NRXN3: variants seen among roughly 807,000 people sequenced by gnomAD.
NRXN3 encodes the protein neurexin 3.
A neutral mutation model predicts 137.6 loss-of-function variants in NRXN3; 32 were observed. That is an observed-to-expected ratio of 0.23 (90% CI 0.18 to 0.31). The LOEUF (loss-of-function observed/expected upper bound fraction) is 0.31. Among genes scored for constraint, NRXN3 ranks in the 10% least tolerant of loss-of-function variants. The pLI, the probability that NRXN3 is intolerant of heterozygous loss-of-function variation, is 1.00. For synonymous variants in NRXN3, 798 were observed against 784.5 expected, an observed-to-expected ratio of 1.02 and a Z score of -0.29; for missense variants, 1,574 against 2,062.5, an observed-to-expected ratio of 0.76 and a Z score of 4.59.
intron 4 of NRXN3, among the ~76,000 whole-genome samples, chr14:78,348,729 A>G (rs1567328575): frequency 6.6e-6 from 1 of 152,192 alleles, no homozygotes; most frequent in African/African-American, 2.4e-5. Flanking sequence ...CTGTTGAATT[A>G]GAAACTCTGG....
intron 4 of NRXN3, among the ~76,000 whole-genome samples, chr14:78,382,880 C>T (rs188188205): frequency 2.9e-4 from 44 of 152,208 alleles, no homozygotes; most frequent in Admixed American, 1.2e-3. Flanking sequence ...AAGGTCTGTA[C>T]GATCTCTCTG....
intron 15 of NRXN3, among the ~76,000 whole-genome samples, chr14:79,251,100 A>G (rs896006710): frequency 6.6e-5 from 10 of 152,188 alleles, no homozygotes; most frequent in African/African-American, 2.4e-4. Context: ...GATTTTGAAT[A>G]CTATTATGCA....
chr14:78,986,548 G>T (rs886504119), intron 14 of NRXN3, among the ~76,000 whole-genome samples: 4 of 151,752 alleles, frequency 2.6e-5, no homozygotes, highest in African/African-American at 9.7e-5. Context: ...CTTCAAAATA[G>T]GTAAATTTAC....
chr14:78,623,953 C>T (rs994996416), intron 4 of NRXN3, among the ~76,000 whole-genome samples: 1 of 152,276 alleles, frequency 6.6e-6, no homozygotes, highest in African/African-American at 2.4e-5. Flanking sequence ...AGTAGCACTA[C>T]CCCTTACCAT....
chr14:79,813,344 A>G (rs1603585570), intron 20 of NRXN3, among the ~76,000 whole-genome samples: 1 of 152,210 alleles, frequency 6.6e-6, no homozygotes, highest in East Asian at 1.9e-4. Flanking sequence ...CTGTGTATAT[A>G]TATAAATAGA....
chr14:79,471,346 A>G (rs946423842), intron 16 of NRXN3, among the ~76,000 whole-genome samples: 2 of 152,166 alleles, frequency 1.3e-5, no homozygotes, highest in African/African-American at 4.8e-5. Context: ...TCTAGCTTCC[A>G]TTAGTCATGT....
chr14:79,328,226 T>C (rs2091188983), intron 15 of NRXN3, among the ~76,000 whole-genome samples: 1 of 152,212 alleles, frequency 6.6e-6, no homozygotes, highest in Non-Finnish European at 1.5e-5. Flanking sequence ...AAGGTAAGCA[T>C]GTTTCATTCT....
intron 2 of NRXN3, among the ~76,000 whole-genome samples, chr14:78,266,967 T>C (rs1013505600): frequency 7.2e-5 from 11 of 152,154 alleles, no homozygotes; most frequent in South Asian, 4.1e-4. Flanking sequence ...CAAGGATCCA[T>C]TGGGAGGCAT....
intron 4 of NRXN3, among the ~76,000 whole-genome samples, chr14:78,410,827 G>C (rs1244293766): frequency 2.0e-5 from 3 of 152,196 alleles, no homozygotes; most frequent in East Asian, 3.9e-4. Context: ...TTACTAGAAG[G>C]GGAGTCAGGA....
chr14:79,271,428 CTTTCCTTTCCCCTTTT>C (rs2079289994), intron 15 of NRXN3, among the ~76,000 whole-genome samples: 2 of 136,138 alleles, frequency 1.5e-5, no homozygotes, highest in South Asian at 5.5e-4. Context: ...CTTCCCCTTT[CTTTCCTTTCCCCTTTT>C]TTTCCCTTCC....
At chr14:79,621,523 G>A (rs1359969389) in intron 16 of NRXN3, among the ~76,000 whole-genome samples, 1 of 152,196 alleles carries the variant, frequency 6.6e-6, no homozygotes, top group African/African-American at 2.4e-5. Flanking sequence ...AATTTGCTAA[G>A]CCAGTTTATA....
intron 15 of NRXN3, among the ~76,000 whole-genome samples, chr14:79,262,087 C>T (rs1235483563): frequency 6.6e-6 from 1 of 152,004 alleles, no homozygotes; most frequent in Non-Finnish European, 1.5e-5. Flanking sequence ...TTGGAATGCT[C>T]CACATTTATA....
At chr14:79,648,559 ATAAG>A (rs2098461862) in intron 16 of NRXN3, among the ~76,000 whole-genome samples, 1 of 135,902 alleles carries the variant, frequency 7.4e-6, no homozygotes. Flanking sequence ...AAGGCAGCTA[ATAAG>A]TAACTACTGG....
At chr14:78,833,297 G>A in intron 10 of NRXN3, among the ~76,000 whole-genome samples, 1 of 152,092 alleles carries the variant, frequency 6.6e-6, no homozygotes, top group East Asian at 1.9e-4. Context: ...GGAACCCTTA[G>A]AGCCTTGGTT....
intron 10 of NRXN3, among the ~76,000 whole-genome samples, chr14:78,901,929 C>T (rs1302363964): frequency 5.9e-5 from 9 of 152,080 alleles, no homozygotes; most frequent in African/African-American, 1.9e-4. Context: ...GGAGAAACGG[C>T]AGGCTGAGCC....
intron 15 of NRXN3, among the ~76,000 whole-genome samples, chr14:79,417,552 T>A (rs548756549): frequency 6.6e-6 from 1 of 152,178 alleles, no homozygotes; most frequent in Non-Finnish European, 1.5e-5. Context: ...TTTGACAATT[T>A]ATTTATTTTC....
intron 15 of NRXN3, among the ~76,000 whole-genome samples, chr14:79,282,661 T>C (rs2081473553): frequency 6.6e-6 from 1 of 152,082 alleles, no homozygotes; most frequent in South Asian, 2.1e-4. Flanking sequence ...AGGTTCAGTG[T>C]GATGGAAAAT....
intron 1 of NRXN3, among the ~76,000 whole-genome samples, chr14:78,225,734 A>G (rs969725546): frequency 8.6e-5 from 13 of 152,014 alleles, no homozygotes; most frequent in African/African-American, 2.9e-4. Context: ...CGAACATCCC[A>G]TGATCTTTCC....
chr14:79,124,054 C>A (rs946105838), intron 15 of NRXN3, among the ~76,000 whole-genome samples: 1 of 152,126 alleles, frequency 6.6e-6, no homozygotes, highest in Non-Finnish European at 1.5e-5. Context: ...AAATGTAGCA[C>A]CTGACGCCAA....
Sources: allele counts gnomAD v4.1 joint callset (sites outside exome capture counted in the v4.1 genomes callset), GRCh38; gene constraint gnomAD v4.1.1; transcripts MANE v1.5; gene names NCBI Gene and HGNC (gene_info 2026-07-23, HGNC 2026-07-21).